CRTC3: variants seen among roughly 807,000 people sequenced by gnomAD.
CRTC3 encodes the protein CREB-regulated transcription coactivator 3.
In CRTC3, 26 loss-of-function variants were observed where a neutral mutation model predicts 74.5. The observed-to-expected ratio is 0.35, with a 90% CI of 0.26 to 0.48. CRTC3 has a LOEUF of 0.48. CRTC3 is among the 20% of genes least tolerant of loss of function. CRTC3 has a pLI of 0.99. For synonymous variants in CRTC3, 377 were observed against 325.8 expected, an observed-to-expected ratio of 1.16 and a Z score of -1.69; for missense variants, 760 against 787.3, an observed-to-expected ratio of 0.97 and a Z score of 0.41.
At chr15:90,547,721 C>T (rs983141470) in intron 2 of CRTC3, among the ~76,000 whole-genome samples, 1 of 151,986 alleles carries the variant, frequency 6.6e-6, no homozygotes, top group Admixed American at 6.6e-5. Flanking sequence ...TCTCTGAGAG[C>T]GAGGGCTAGG....
At chr15:90,556,123 T>C (rs150407190) in intron 2 of CRTC3, among the ~76,000 whole-genome samples, 3 of 152,246 alleles carry the variant, frequency 2.0e-5, no homozygotes, top group African/African-American at 4.8e-5. Context: ...TTTCCCTATG[T>C]CATTAAAATA....
At chr15:90,638,291 T>A (rs762600868) in intron 11 of CRTC3, 155 bp from the exon 12 acceptor site, 1 of 611,898 alleles carries the variant, frequency 1.6e-6, no homozygotes, top group Non-Finnish European at 2.9e-6. Flanking sequence ...GAGATATACT[T>A]TGAAGGATGA....
chr15:90,587,846 T>TCAAATGATCCACCCACATCAGCC (rs1967701976), intron 2 of CRTC3, among the ~76,000 whole-genome samples: 1 of 151,886 alleles, frequency 6.6e-6, no homozygotes, highest in Non-Finnish European at 1.5e-5. Flanking sequence ...ACTTGTGAGC[T>TCAAATGATCCACCCACATCAGCC]CAAATGATCC....
At chr15:90,620,537 C>T (rs1968615894) in intron 9 of CRTC3, among the ~76,000 whole-genome samples, 2 of 152,092 alleles carry the variant, frequency 1.3e-5, no homozygotes, top group African/African-American at 2.4e-5. Flanking sequence ...CTTGCCTTAA[C>T]AGAAACTGCC....
chr15:90,602,073 A>C (rs779450164), intron 3 of CRTC3, among the ~76,000 whole-genome samples: 3 of 152,180 alleles, frequency 2.0e-5, no homozygotes, highest in Non-Finnish European at 4.4e-5. Flanking sequence ...CAGTTCCTGA[A>C]AACAAAAGTT....
chr15:90,632,005 G>A (rs1969056871), intron 11 of CRTC3, among the ~76,000 whole-genome samples: 1 of 151,512 alleles, frequency 6.6e-6, no homozygotes, highest in Admixed American at 6.6e-5. Context: ...GAGCTCAGGT[G>A]ATCCTCCCAC....
Position 90,644,752 on chromosome 15 carries a change from C to A in CRTC3, c.*2612C>A, listed in dbSNP as rs889025122. Reference sequence around the variant, plus strand: ...GGCCCACAGCACGTGAGCCTGCACTCACTGCGGCCTTTGTAACAAAACCAG... The same window carrying A: ...GGCCCACAGCACGTGAGCCTGCACTAACTGCGGCCTTTGTAACAAAACCAG... On this transcript the variant is annotated 3_prime_UTR_variant, in exon 15 of 15. Transcript: ENST00000268184. The A allele has an allele frequency of 8.6e-6, 2 of 232,544 alleles. No homozygotes were observed. The highest frequency in any genetic ancestry group is 1.7e-5 in the Non-Finnish European group (2 of 117,658). The allele number at this position is 232,544 out of a possible 1,614,324, so 14.4% of individuals were successfully genotyped here.
At chr15:90,631,736 A>C (rs1427958956) in intron 11 of CRTC3, among the ~76,000 whole-genome samples, 7 of 151,236 alleles carry the variant, frequency 4.6e-5, no homozygotes, top group Admixed American at 1.3e-4. Flanking sequence ...CAAAAAAAAA[A>C]AAAAATTAGA....
chr15:90,607,295 C>T, intron 5 of CRTC3, 83 bp from the exon 6 acceptor site: 1 of 803,220 alleles, frequency 1.2e-6, no homozygotes, highest in Admixed American at 2.1e-5. Flanking sequence ...GCCTTCTTTC[C>T]TGTTGGTAAT....
At chr15:90,634,996 TTAGAGATGG>T in intron 11 of CRTC3, 1 of 1,334,266 alleles carries the variant, frequency 7.5e-7, no homozygotes, top group Non-Finnish European at 1.1e-6. Flanking sequence ...TATTTCCTAT[TTAGAGATGG>T]TGACATTCTT....
chr15:90,608,484 C>T (rs1046315057), intron 6 of CRTC3, among the ~76,000 whole-genome samples: 4 of 152,160 alleles, frequency 2.6e-5, no homozygotes, highest in Non-Finnish European at 5.9e-5. Flanking sequence ...GCACCCTCTC[C>T]ATCCGTAAGC....
chr15:90,610,618 C>A (rs568319014), intron 6 of CRTC3, among the ~76,000 whole-genome samples: 1 of 152,198 alleles, frequency 6.6e-6, no homozygotes, highest in Non-Finnish European at 1.5e-5. Flanking sequence ...TTTATAATTT[C>A]TCTCTTTTTG....
chr15:90,630,756 A>ATTTTTTTTTTTTTTTTTTTTTTTTTTTTT (rs1175467073), intron 11 of CRTC3, among the ~76,000 whole-genome samples: 1 of 23,654 alleles, frequency 4.2e-5, no homozygotes. Context: ...TTACAGCATC[A>ATTTTTTTTTTTTTTTTTTTTTTTTTTTTT]TTTTTTTTTT....
At chr15:90,630,015 C>T (rs533025293) in intron 11 of CRTC3, among the ~76,000 whole-genome samples, 8 of 152,320 alleles carry the variant, frequency 5.3e-5, no homozygotes, top group African/African-American at 1.7e-4. Flanking sequence ...TGAGCCACTG[C>T]ACCCAGCCTA....
intron 11 of CRTC3, among the ~76,000 whole-genome samples, chr15:90,635,764 G>A (rs1217961142): frequency 6.6e-5 from 6 of 90,832 alleles, no homozygotes; most frequent in Admixed American, 9.2e-5. Flanking sequence ...CCTGTGAGCC[G>A]GGTTGGGAAA....
intron 2 of CRTC3, among the ~76,000 whole-genome samples, chr15:90,542,571 G>T (rs988661116): frequency 6.6e-6 from 1 of 152,094 alleles, no homozygotes; most frequent in Non-Finnish European, 1.5e-5. Flanking sequence ...AAGCAAAGAC[G>T]TTGTTCTATA....
intron 2 of CRTC3, among the ~76,000 whole-genome samples, chr15:90,548,901 T>C (rs1411239611): frequency 6.6e-6 from 1 of 152,214 alleles, no homozygotes; most frequent in Non-Finnish European, 1.5e-5. Flanking sequence ...AGTTACACCA[T>C]TAACAAATCA....
chr15:90,580,712 G>A (rs1263207258), intron 2 of CRTC3, among the ~76,000 whole-genome samples: 1 of 152,032 alleles, frequency 6.6e-6, no homozygotes, highest in Non-Finnish European at 1.5e-5. Context: ...ATAGGCGTGA[G>A]CCACTGCACC....
intron 1 of CRTC3, among the ~76,000 whole-genome samples, chr15:90,532,557 G>A (rs754483748): frequency 6.6e-6 from 1 of 152,232 alleles, no homozygotes; most frequent in Non-Finnish European, 1.5e-5. Context: ...CTCTGAGCCT[G>A]TGTTGGGATT....
Sources: allele counts gnomAD v4.1 joint callset (sites outside exome capture counted in the v4.1 genomes callset), GRCh38; gene constraint gnomAD v4.1.1; transcripts MANE v1.5; gene names NCBI Gene and HGNC (gene_info 2026-07-23, HGNC 2026-07-21).